SLC25A18: variants seen among roughly 807,000 people sequenced by gnomAD.
SLC25A18 encodes the protein solute carrier family 25 member 18, also known as mitochondrial glutamate carrier 2.
Under a neutral mutation model 31.1 loss-of-function variants are expected in SLC25A18, and 24 were observed. That is an observed-to-expected ratio of 0.77 (90% CI 0.56 to 1.08). SLC25A18 has a LOEUF of 1.08. SLC25A18 is among the 50% of genes least tolerant of loss of function. The probability of loss-of-function intolerance (pLI) is 0.00; values close to 1 mark genes in which losing one functional copy is unlikely to be tolerated. For missense variants in SLC25A18, 371 were observed against 418.5 expected (o/e 0.89, Z 0.99); for synonymous variants, 173 against 161.9 (o/e 1.07, Z -0.52).
intron 6 of SLC25A18, 49 bp downstream of exon 6, chr22:17,582,702 G>A (rs1451624002): frequency 1.3e-6 from 2 of 1,494,814 alleles, no homozygotes; most frequent in Admixed American, 3.9e-5. Context: ...TGTTTTTTGG[G>A]AGAGATGGCA....
Position 17,581,091 on chromosome 22 carries a change from C to A in SLC25A18, c.75C>A (p.Cys25Ter), listed in dbSNP as rs528083895. 6 of 1,570,466 alleles carry A rather than the reference C, an allele frequency of 3.8e-6. No individual in the cohort carries two copies. The highest frequency in any genetic ancestry group is 5.2e-6 in the Non-Finnish European group (6 of 1,156,938). ...GGVAGLVGVT[C>*]VFPIDLAKTR... The stretch of plus-strand genomic sequence containing the variant: ...TAGCAGGGCTCGTGGGGGTGACCTG[C>A]GTGTTCCCCATCGACTTGGCCAAGA... Residue 25 changes from cysteine to a stop codon, truncating the protein, a stop_gained, in exon 4 of 11, where the codon TGC becomes TGA. Coordinates refer to ENST00000327451, the MANE Select transcript of SLC25A18 (RefSeq NM_031481.3). LOFTEE classifies it high-confidence loss of function.
intron 1 of SLC25A18, among the ~76,000 whole-genome samples, chr22:17,565,780 T>C (rs1315943541): frequency 6.6e-6 from 1 of 152,034 alleles, no homozygotes; most frequent in Non-Finnish European, 1.5e-5. Flanking sequence ...GGCAGGAGAA[T>C]CACTTGAACC....
At chr22:17,581,256 G>T in intron 4 of SLC25A18, 97 bp downstream of exon 4, 1 of 1,582,398 alleles carries the variant, frequency 6.3e-7, no homozygotes, top group East Asian at 2.3e-5. Context: ...TGAGCCTGGG[G>T]GCTGGGGATC....
intron 10 of SLC25A18, 86 bp from the exon 11 acceptor site, chr22:17,590,009 G>A: frequency 1.3e-6 from 2 of 1,551,996 alleles, no homozygotes. Flanking sequence ...TCTAAAATGA[G>A]AGGTGCACAA....
intron 5 of SLC25A18, 102 bp from the exon 6 acceptor site, chr22:17,582,461 G>A (rs1249890709): frequency 1.1e-6 from 1 of 870,352 alleles, no homozygotes; most frequent in Non-Finnish European, 1.7e-6. Flanking sequence ...CCCCAAAAAT[G>A]CCCTTCACTC....
intron 7 of SLC25A18, among the ~76,000 whole-genome samples, chr22:17,585,644 A>ATTT (rs1374922417): frequency 9.7e-5 from 13 of 133,360 alleles, no homozygotes; most frequent in African/African-American, 3.1e-4. Flanking sequence ...TATTATTATT[A>ATTT]TTATTATTTT....
chr22:17,584,667 C>T (rs1433731951), intron 7 of SLC25A18, among the ~76,000 whole-genome samples: 1 of 149,192 alleles, frequency 6.7e-6, no homozygotes, highest in Non-Finnish European at 1.5e-5. Context: ...ATAATCTCAG[C>T]TACTCGGGAG....
At chr22:17,586,831 T>C (rs77092062) in intron 7 of SLC25A18, among the ~76,000 whole-genome samples, 3,566 of 152,226 alleles carry the variant, frequency 0.023, 133 homozygotes, top group African/African-American at 0.081. Context: ...AAAACCAGTT[T>C]TAATGGGAGG....
At position 17,590,367 on chromosome 22, in the gene SLC25A18, T is replaced by G. The variant is rs2057684139; in HGVS notation, c.*131T>G. 9.0e-7 allele frequency: 1 copy of G among 1,106,100 alleles called. No individual in the cohort carries two copies. Among genetic ancestry groups the G allele is most frequent in the South Asian group, 1.6e-5 (1 of 63,250 alleles). The allele number at this position is 1,106,100 out of a possible 1,614,324, so 68.5% of individuals were successfully genotyped here. A position where few individuals can be genotyped will look rare whatever the true frequency, so the allele number is the denominator to read the frequency against. On this transcript the variant is annotated 3_prime_UTR_variant, in exon 11 of 11. Coordinates refer to ENST00000327451, the MANE Select transcript of SLC25A18 (RefSeq NM_031481.3). ...TCTGCGTTGTAGTGCTACCTCAATC[T>G]CGGGAGAAACAGCCCTATATTCTAA...
intron 2 of SLC25A18, among the ~76,000 whole-genome samples, chr22:17,572,434 G>A (rs571963076): frequency 3.4e-5 from 5 of 147,790 alleles, no homozygotes; most frequent in East Asian, 2.1e-4. Flanking sequence ...GCAGTGAGCC[G>A]AGATCGTGCC....
At chr22:17,588,115 A>C in intron 9 of SLC25A18, 36 bp downstream of exon 9, 1 of 1,611,484 alleles carries the variant, frequency 6.2e-7, no homozygotes, top group African/African-American at 1.3e-5. Flanking sequence ...TCTATGGGAT[A>C]AACAGTAATT....
chr22:17,572,634 T>TG (rs2057122151), intron 2 of SLC25A18, among the ~76,000 whole-genome samples: 12 of 114,000 alleles, frequency 1.1e-4, no homozygotes, highest in African/African-American at 4.8e-4. Flanking sequence ...TCTCTACAAA[T>TG]AAATTTTTTT....
intron 1 of SLC25A18, among the ~76,000 whole-genome samples, chr22:17,566,515 C>T (rs897042434): frequency 2.0e-5 from 3 of 152,108 alleles, no homozygotes; most frequent in Admixed American, 6.6e-5. Flanking sequence ...CGGGTTCAAG[C>T]GGTTCTCCCG....
At chr22:17,582,775 T>C (rs777379447) in intron 6 of SLC25A18, 122 bp downstream of exon 6, 15 of 829,620 alleles carry the variant, frequency 1.8e-5, no homozygotes, top group Non-Finnish European at 2.7e-5. Flanking sequence ...TGTGCACACA[T>C]GGCTGAGGGC....
intron 10 of SLC25A18, 128 bp downstream of exon 10, chr22:17,589,793 C>T (rs1024430340): frequency 1.1e-6 from 1 of 887,994 alleles, no homozygotes; most frequent in Non-Finnish European, 1.8e-6. Context: ...GTCTTTCCCT[C>T]ACCTCTCAAA....
chr22:17,569,063 C>A (rs1159127611), intron 1 of SLC25A18, among the ~76,000 whole-genome samples: 1 of 150,516 alleles, frequency 6.6e-6, no homozygotes, highest in Non-Finnish European at 1.5e-5. Context: ...GGCTGGAGGG[C>A]AGTGGCGCGA....
At chr22:17,568,704 C>T (rs189501336) in intron 1 of SLC25A18, among the ~76,000 whole-genome samples, 1 of 148,020 alleles carries the variant, frequency 6.8e-6, no homozygotes, top group Non-Finnish European at 1.5e-5. Flanking sequence ...TGGGACTACA[C>T]GCGCCTGCCA....
At chr22:17,565,592 G>T (rs1056003866) in intron 1 of SLC25A18, among the ~76,000 whole-genome samples, 39 of 151,946 alleles carry the variant, frequency 2.6e-4, no homozygotes, top group African/African-American at 9.2e-4. Flanking sequence ...TTTTGGACAG[G>T]TGTGTTGGCT....
At chr22:17,565,504 G>T (rs762944475) in intron 1 of SLC25A18, among the ~76,000 whole-genome samples, 8 of 152,072 alleles carry the variant, frequency 5.3e-5, no homozygotes, top group Non-Finnish European at 1.0e-4. Flanking sequence ...CTCCCAAGTA[G>T]CTAGAACTAC....
Sources: gnomAD v4.1 joint callset for allele counts (sites outside exome capture counted in the v4.1 genomes callset) on GRCh38, gnomAD v4.1.1 for gene constraint, MANE v1.5 for transcripts, NCBI Gene and HGNC (gene_info 2026-07-23, HGNC 2026-07-21) for gene names.